SMOC2: variants seen among roughly 807,000 people sequenced by gnomAD.
SMOC2 encodes the protein SPARC-related modular calcium-binding protein 2.
SMOC2 carries 39 observed loss-of-function variants against 61.4 expected under a neutral mutation model. The ratio of observed to expected loss-of-function variants is 0.64; its 90% CI spans 0.49 to 0.83. The LOEUF is 0.83. SMOC2 is among the 40% of genes least tolerant of loss of function. The pLI is 0.00. For synonymous variants in SMOC2, 247 were observed against 239.9 expected, an observed-to-expected ratio of 1.03 and a Z score of -0.27; for missense variants, 556 against 592.9, an observed-to-expected ratio of 0.94 and a Z score of 0.65.
Position 168,653,195 on chromosome 6 carries a change from G to A in SMOC2, c.1252G>A (p.Glu418Lys). Residue 418 changes from glutamate (E) to lysine (K), a missense_variant, in exon 11 of 13, where the codon GAG becomes AAG. Coordinates refer to ENST00000356284, the MANE Select transcript of SMOC2 (RefSeq NM_001166412.2). Reference protein sequence around the residue: ...ELMGCLGVAKEDGKADTKKRH... With the variant: ...ELMGCLGVAKKDGKADTKKRH... ...GATGGGCTGCCTGGGCGTGGCGAAA[G>A]AGGACGGCAAAGCGGACACCAAGAA... The A allele has an allele frequency of 6.2e-7, 1 of 1,614,098 alleles. No individual in the cohort carries two copies. Among genetic ancestry groups the A allele is most frequent in the Non-Finnish European group, 8.5e-7 (1 of 1,179,976 alleles).
chr6:168,649,487 C>T (rs1268086753), intron 9 of SMOC2, among the ~76,000 whole-genome samples: 3 of 152,198 alleles, frequency 2.0e-5, no homozygotes, highest in Non-Finnish European at 4.4e-5. Context: ...GGGCTGGTGC[C>T]TGGCTTCTGT....
intron 1 of SMOC2, among the ~76,000 whole-genome samples, chr6:168,455,599 C>T (rs1168536096): frequency 3.3e-5 from 5 of 152,122 alleles, no homozygotes. Flanking sequence ...ACTTCTTCAC[C>T]TTATAAAGGT....
intron 4 of SMOC2, among the ~76,000 whole-genome samples, chr6:168,528,190 C>T (rs943748914): frequency 6.0e-5 from 9 of 151,156 alleles, no homozygotes; most frequent in Non-Finnish European, 1.3e-4. Flanking sequence ...TTTTATTACT[C>T]GTAAGAGGGC....
Position 168,608,209 on chromosome 6 carries a change from C to T in SMOC2, c.877C>T (p.Arg293Trp), listed in dbSNP as rs1227508588. The change falls in exon 9 of 13, where the codon CGG becomes TGG. Residue 293 changes from arginine (R) to tryptophan (W), a missense_variant. Arg to Trp is a moderately radical substitution (Grantham distance 101). Transcript: ENST00000356284. Reference protein sequence around the residue: ...NTARAHPAKARDLYKGRQLQG... With the variant: ...NTARAHPAKAWDLYKGRQLQG... ...GGCCAGGGCCCACCCAGCCAAAGCC[C>T]GGGACCTGTACAAGGGCCGCCAGCT... 6.2e-6 allele frequency: 10 copies of T among 1,613,444 alleles called. No individual in the cohort carries two copies. Among genetic ancestry groups the T allele is most frequent in the South Asian group, 4.4e-5 (4 of 90,938 alleles).
intron 2 of SMOC2, among the ~76,000 whole-genome samples, chr6:168,521,447 T>G (rs1379368964): frequency 5.9e-5 from 9 of 152,178 alleles, no homozygotes; most frequent in South Asian, 4.1e-4. Context: ...CTGTGCCAGG[T>G]CTCCATGACA....
intron 9 of SMOC2, among the ~76,000 whole-genome samples, chr6:168,612,455 C>T (rs1785902900): frequency 6.9e-6 from 1 of 145,216 alleles, no homozygotes; most frequent in Non-Finnish European, 1.5e-5. Context: ...TGATCTCCAT[C>T]GGGGAGAGGG....
chr6:168,608,074 A>G (rs1785757083), intron 8 of SMOC2, 83 bp from the exon 9 acceptor site: 1 of 1,282,918 alleles, frequency 7.8e-7, no homozygotes, highest in African/African-American at 1.5e-5. Context: ...AGGGTAGGAC[A>G]CTCCAGAAAT....
intron 7 of SMOC2, among the ~76,000 whole-genome samples, chr6:168,598,293 G>A (rs1014189475): frequency 6.6e-6 from 1 of 152,230 alleles, no homozygotes; most frequent in Non-Finnish European, 1.5e-5. Context: ...TCGTTTGGGG[G>A]TGGGGGATGG....
rs149004130 is a variant in SMOC2, at chr6:168,502,843, T to A, written c.85-7072T>A. The stretch of plus-strand genomic sequence containing the variant: ...GTGCAGTGGCACAATCTTGGCTCAC[T>A]GCAACCTCCACCTCCTGGGTTTAAG... On this transcript the variant is annotated intron_variant, in intron 1 of 12. Transcript: ENST00000356284. Among the ~76,000 whole-genome samples the A allele has an allele frequency of 7.7e-3, 1,171 of 152,186 alleles. 14 individuals carry two copies. The highest frequency in any genetic ancestry group is 0.025 in the African/African-American group (1,052 of 41,540).
chr6:168,663,044 G>A (rs947696376), intron 11 of SMOC2, among the ~76,000 whole-genome samples: 1 of 152,212 alleles, frequency 6.6e-6, no homozygotes, highest in African/African-American at 2.4e-5. Context: ...ACTGAGGAGA[G>A]AAAGAGGTCC....
intron 9 of SMOC2, among the ~76,000 whole-genome samples, chr6:168,637,256 T>C (rs1193405257): frequency 6.6e-6 from 1 of 152,056 alleles, no homozygotes; most frequent in African/African-American, 2.4e-5. Flanking sequence ...GTGTGGTCCA[T>C]TAACAAACCC....
intron 1 of SMOC2, among the ~76,000 whole-genome samples, chr6:168,507,868 C>T (rs905316881): frequency 6.6e-6 from 1 of 152,262 alleles, no homozygotes; most frequent in African/African-American, 2.4e-5. Flanking sequence ...TGAAAAATAG[C>T]TCACTCTGAG....
intron 9 of SMOC2, among the ~76,000 whole-genome samples, chr6:168,618,791 G>A (rs1182430363): frequency 1.3e-5 from 2 of 152,166 alleles, no homozygotes; most frequent in Non-Finnish European, 2.9e-5. Context: ...ATCGTCTCCT[G>A]CAGGGACTAT....
At chr6:168,474,604 C>T (rs1489806754) in intron 1 of SMOC2, among the ~76,000 whole-genome samples, 1 of 152,080 alleles carries the variant, frequency 6.6e-6, no homozygotes, top group African/African-American at 2.4e-5. Context: ...CGTGTCTGTC[C>T]ACTGAAACCT....
chr6:168,444,676 T>A (rs1348338144), intron 1 of SMOC2, among the ~76,000 whole-genome samples: 1 of 152,174 alleles, frequency 6.6e-6, no homozygotes, highest in Admixed American at 6.5e-5. Flanking sequence ...ACCGTGCCCA[T>A]TTTCCTTTTT....
In SMOC2 at chr6:168,614,913, C is replaced by A. The variant is rs1431002432; in HGVS notation, c.907+6674C>A. On this transcript the variant is annotated intron_variant, in intron 9 of 12. Coordinates refer to ENST00000356284, the MANE Select transcript of SMOC2 (RefSeq NM_001166412.2). The stretch of plus-strand genomic sequence containing the variant: ...GACCTCTTCACACCTACAGCCAGCA[C>A]AGGGGGCCTCTTCACACCTACAGCC... Among the ~76,000 whole-genome samples the A allele has an allele frequency of 1.8e-3, 17 of 9,500 alleles. 4 individuals are homozygous for A. The highest frequency in any genetic ancestry group is 6.4e-3 in the African/African-American group (17 of 2,638). 6.2% of individuals were successfully genotyped at this position (9,500 alleles called of 152,430 possible).
chr6:168,571,286 T>C (rs544549312), intron 7 of SMOC2, among the ~76,000 whole-genome samples: 1 of 152,348 alleles, frequency 6.6e-6, no homozygotes, highest in East Asian at 1.9e-4. Flanking sequence ...TGGTGATGAC[T>C]GCCTGTGGAA....
intron 9 of SMOC2, among the ~76,000 whole-genome samples, chr6:168,613,554 A>G (rs998047104): frequency 1.1e-4 from 17 of 152,112 alleles, no homozygotes; most frequent in Non-Finnish European, 2.1e-4. Context: ...GACCCAGCAG[A>G]CTTCATGAAT....
At chr6:168,558,830 T>TGTGTGCAC (rs1281369819) in intron 7 of SMOC2, among the ~76,000 whole-genome samples, 1 of 151,580 alleles carries the variant, frequency 6.6e-6, no homozygotes, top group African/African-American at 2.4e-5. Context: ...TATGTGCATG[T>TGTGTGCAC]GTGTGCACGT....
Sources: gnomAD v4.1 joint callset for allele counts (sites outside exome capture counted in the v4.1 genomes callset) on GRCh38, gnomAD v4.1.1 for gene constraint, MANE v1.5 for transcripts, NCBI Gene and HGNC (gene_info 2026-07-23, HGNC 2026-07-21) for gene names.